Variants in TSC1 observed in about 807,000 individuals in gnomAD.
The protein encoded by TSC1 is hamartin.
In TSC1, 20 loss-of-function variants were observed where a neutral mutation model predicts 124.3. The ratio of observed to expected loss-of-function variants is 0.16; its 90% CI spans 0.11 to 0.23. The LOEUF (loss-of-function observed/expected upper bound fraction) is 0.23, where lower values mean the gene tolerates loss of function less well. Among genes scored for constraint, TSC1 ranks in the 10% least tolerant of loss-of-function variants. TSC1 has a pLI of 1.00. For missense variants in TSC1, 1,124 were observed against 1,448.5 expected, an observed-to-expected ratio of 0.78 and a Z score of 3.64; for synonymous variants, 493 against 539.1, an observed-to-expected ratio of 0.91 and a Z score of 1.19.
At position 132,912,243 on chromosome 9, in the gene TSC1, A is replaced by G. The variant is rs776500907; in HGVS notation, c.913+39T>C. The G allele has an allele frequency of 5.0e-6, 8 of 1,610,206 alleles. No individual in the cohort carries two copies. The South Asian group carries it at 7.7e-5, about 15-fold the overall frequency. ...AAGACAAATAATGTTTTCCAGAGACAAAGTTGCAAAACAGATAAGTACCAA... is the reference window on the plus strand; with the variant it reads ...AAGACAAATAATGTTTTCCAGAGACGAAGTTGCAAAACAGATAAGTACCAA... On this transcript the variant is annotated intron_variant, in intron 9 of 22. Transcript: ENST00000298552.
At chr9:132,900,901 T>G in intron 19 of TSC1, 64 bp from the exon 20 acceptor site, 2 of 1,610,338 alleles carry the variant, frequency 1.2e-6, no homozygotes, top group Non-Finnish European at 8.5e-7. Flanking sequence ...TAGACGTCAT[T>G]AAACAGGGAA....
At chr9:132,912,606 TAAAG>T in intron 8 of TSC1, 149 bp from the exon 9 acceptor site, 1 of 808,830 alleles carries the variant, frequency 1.2e-6, no homozygotes, top group Non-Finnish European at 2.0e-6. Flanking sequence ...TTCTAGTACA[TAAAG>T]AAATAGCCAT....
At chr9:132,910,218 A>T in intron 12 of TSC1, 1 of 511,012 alleles carries the variant, frequency 2.0e-6, no homozygotes. Context: ...GGAGGATTGC[A>T]TGAGTCTGGG....
chr9:132,901,552 GT>G, intron 19 of TSC1, 36 bp downstream of exon 19: 1 of 1,546,392 alleles, frequency 6.5e-7, no homozygotes, highest in South Asian at 1.1e-5. Context: ...AGCAAATGGT[GT>G]TTCAGCAGAT....
chr9:132,908,983 C>T (rs755406537), intron 12 of TSC1, among the ~76,000 whole-genome samples: 14 of 149,728 alleles, frequency 9.4e-5, no homozygotes, highest in Non-Finnish European at 2.1e-4. Flanking sequence ...CGACTTACTG[C>T]AACCTCCGCC....
chr9:132,933,229 C>G (rs1847293196), intron 2 of TSC1, among the ~76,000 whole-genome samples: 1 of 152,168 alleles, frequency 6.6e-6, no homozygotes, highest in African/African-American at 2.4e-5. Context: ...CCATGCCTGG[C>G]TAATTTTTGT....
chr9:132,891,707 A>C lies in TSC1; in HGVS notation c.*4528T>G. On this transcript the variant is annotated 3_prime_UTR_variant, in exon 23 of 23. Coordinates refer to ENST00000298552, the MANE Select transcript of TSC1 (RefSeq NM_000368.5). ...TATAAAACTAGATTATGTCTTAGCAAAATCTGTTCCTCCGTAATATATTTG... is the reference window on the plus strand; with the variant it reads ...TATAAAACTAGATTATGTCTTAGCACAATCTGTTCCTCCGTAATATATTTG... The C allele has an allele frequency of 4.3e-6, 1 of 233,724 alleles. No homozygotes were observed. Among genetic ancestry groups the C allele is most frequent in the African/African-American group, 2.2e-5 (1 of 45,480 alleles). The allele number at this position is 233,724 out of a possible 1,614,324, so 14.5% of individuals were successfully genotyped here.
chr9:132,899,021 G>A (rs1346416309), intron 20 of TSC1: 2 of 152,314 alleles, frequency 1.3e-5, no homozygotes, highest in African/African-American at 2.4e-5. Flanking sequence ...CCGCCTCCGG[G>A]GTTCAAGCGA....
chr9:132,913,719 A>G (rs1588330653), intron 8 of TSC1, among the ~76,000 whole-genome samples: 4 of 149,938 alleles, frequency 2.7e-5, no homozygotes, highest in Non-Finnish European at 3.0e-5. Context: ...CCAGCTACTC[A>G]GGAGGCTGAG....
At position 132,897,269 on chromosome 9, in the gene TSC1, C is replaced by T. The variant is rs1033463168; in HGVS notation, c.2890G>A (p.Asp964Asn). The change falls in exon 22 of 23, where the codon GAT becomes AAT. Residue 964 changes from aspartate to asparagine, a missense_variant. Around this residue, in one of 5 missense-constraint regions of TSC1, gnomAD observed 325 missense variants for 383.4 expected, o/e 0.85. Transcript: ENST00000298552. ...ITQVFELEIL[D>N]LYGRLEKDGL... The stretch of plus-strand genomic sequence containing the variant: ...TCTTTCTCCAACCTGCCATATAAAT[C>T]TAAGATCTCCAATTCAAACACCTGG... The T allele has an allele frequency of 2.5e-6, 4 of 1,614,202 alleles. No individual in the cohort carries two copies. The highest frequency in any genetic ancestry group is 2.2e-5 in the East Asian group (1 of 44,890).
rs370243092 is a variant in TSC1 at position 132,925,663 on chromosome 9, A to G, written c.287T>C (p.Val96Ala). The change falls in exon 5 of 23, where the codon GTC (valine) becomes GCC (alanine). Residue 96 changes from valine to alanine, a missense_variant. By Grantham distance (64) the Val-to-Ala change is moderately conservative. Coordinates refer to ENST00000298552, the MANE Select transcript of TSC1 (RefSeq NM_000368.5). ...RLSILSLLGH[V>A]IRLQPSWKHK... ...CTTCCAAGATGGCTGCAGTCTTATGACATGACCCAGTAACGAGAGGATGGA... is the reference window on the plus strand; with the variant it reads ...CTTCCAAGATGGCTGCAGTCTTATGGCATGACCCAGTAACGAGAGGATGGA... 20 of 1,614,236 alleles carry G rather than the reference A, an allele frequency of 1.2e-5. No individual in the cohort carries two copies. The highest frequency in any genetic ancestry group is 1.4e-5 in the Non-Finnish European group (17 of 1,180,042).
At chr9:132,898,695 T>C (rs140937101) in intron 20 of TSC1, among the ~76,000 whole-genome samples, 1 of 152,302 alleles carries the variant, frequency 6.6e-6, no homozygotes, top group East Asian at 1.9e-4. Context: ...ACCAGGAACA[T>C]CCGTGCACTC....
chr9:132,922,272 G>A (rs1009841891), intron 6 of TSC1, among the ~76,000 whole-genome samples: 4 of 152,224 alleles, frequency 2.6e-5, no homozygotes, highest in African/African-American at 9.6e-5. Flanking sequence ...TGCCCAAAAA[G>A]GATCCCAAAC....
chr9:132,935,231 CT>C, intron 1 of TSC1, 136 bp from the exon 2 acceptor site: 1 of 395,642 alleles, frequency 2.5e-6, no homozygotes, highest in Non-Finnish European at 4.5e-6. Flanking sequence ...GGAATGAACA[CT>C]CATAATCATT....
intron 1 of TSC1, among the ~76,000 whole-genome samples, chr9:132,937,065 C>T (rs1847490292): frequency 6.6e-6 from 1 of 152,228 alleles, no homozygotes; most frequent in Admixed American, 6.5e-5. Context: ...GCAGGCTGGC[C>T]CTCCAGAAAA....
rs753360364 is a variant in TSC1, at chr9:132,911,105, A to G, written c.1038T>C (p.Leu346=). ...RLITEPPQAT[L]WSPSMVCGMT... ...TACCACAAACCATAGATGGGCTCCA[A>G]AGAGTAGCCTGGGAAGTTAATAAAG... The change falls in exon 11 of 23, where the codon CTT becomes CTC. Residue 346 remains leucine, a synonymous_variant. Coordinates refer to ENST00000298552, the MANE Select transcript of TSC1 (RefSeq NM_000368.5). 5.0e-6 allele frequency: 8 copies of G among 1,613,750 alleles called. No homozygotes were observed. The highest frequency in any genetic ancestry group is 1.3e-5 in the African/African-American group (1 of 74,940).
At chr9:132,933,088 CAG>C (rs978366203) in intron 2 of TSC1, among the ~76,000 whole-genome samples, 4 of 152,206 alleles carry the variant, frequency 2.6e-5, no homozygotes, top group Non-Finnish European at 4.4e-5. Context: ...TTAATTGAGA[CAG>C]AGTCTCGCTC....
chr9:132,931,318 A>C (rs1043710391), intron 2 of TSC1: 1 of 152,188 alleles, frequency 6.6e-6, no homozygotes, highest in African/African-American at 2.4e-5. Context: ...GAGTGACATG[A>C]GCTCAATTTT....
Position 132,895,122 on chromosome 9 carries a change from G to T in TSC1, c.*1113C>A, listed in dbSNP as rs1844965071. 1 of 233,156 alleles carries T rather than the reference G, an allele frequency of 4.3e-6. No homozygotes were observed. The highest frequency in any genetic ancestry group is 2.2e-5 in the African/African-American group (1 of 45,304). The allele number at this position is 233,156 out of a possible 1,614,324, so 14.4% of individuals were successfully genotyped here. ...CTCCCTGGAGAGTCAGCCCCTGAAA[G>T]TTGGAATTGGTATGAAAAAGCTGCC... is the stretch of plus-strand genomic sequence containing the variant. On this transcript the variant is annotated 3_prime_UTR_variant, in exon 23 of 23. Coordinates refer to ENST00000298552, the MANE Select transcript of TSC1 (RefSeq NM_000368.5).
Sources: gnomAD v4.1 joint callset for allele counts (sites outside exome capture counted in the v4.1 genomes callset) on GRCh38, gnomAD v4.1.1 for gene constraint, gnomAD v4.1.1 regional missense constraint, MANE v1.5 for transcripts, NCBI Gene and HGNC (gene_info 2026-07-23, HGNC 2026-07-21) for gene names.